The following TFDP1 variants were observed in gnomAD, a reference collection of about 807,000 sequenced individuals.
The protein encoded by TFDP1 is DRTF1-polypeptide 1.
Under a neutral mutation model 48.0 loss-of-function variants are expected in TFDP1, and 6 were observed. The ratio of observed to expected loss-of-function variants is 0.13; its 90% CI spans 0.07 to 0.25. The LOEUF (loss-of-function observed/expected upper bound fraction) is 0.25. Ranked by LOEUF, TFDP1 falls within the 10% of genes least tolerant of loss-of-function variation. The pLI is 1.00. For synonymous variants in TFDP1, 201 were observed against 211.6 expected (o/e 0.95, Z 0.44); for missense variants, 335 against 543.0 (o/e 0.62, Z 3.81).
chr13:113,586,766 G>C (rs563939481), intron 2 of TFDP1, among the ~76,000 whole-genome samples: 1 of 152,330 alleles, frequency 6.6e-6, no homozygotes, highest in African/African-American at 2.4e-5. Context: ...CTGCGACCAG[G>C]CATGTCACAC....
chr13:113,601,128 AG>A (rs2048414819), intron 2 of TFDP1, among the ~76,000 whole-genome samples: 1 of 152,038 alleles, frequency 6.6e-6, no homozygotes, highest in Admixed American at 6.5e-5. Context: ...CTCTTGCCTG[AG>A]GTGGGGAGGT....
chr13:113,632,872 C>T (rs2049374890), intron 5 of TFDP1, among the ~76,000 whole-genome samples: 2 of 152,244 alleles, frequency 1.3e-5, no homozygotes, highest in Non-Finnish European at 2.9e-5. Flanking sequence ...CTCCCGTTTT[C>T]CCTGACGCTT....
At chr13:113,628,355 G>A (rs1389235405) in intron 4 of TFDP1, among the ~76,000 whole-genome samples, 2 of 152,268 alleles carry the variant, frequency 1.3e-5, no homozygotes, top group Admixed American at 6.5e-5. Context: ...TCTCTGAAGC[G>A]CAGCTTGGAT....
intron 3 of TFDP1, among the ~76,000 whole-genome samples, chr13:113,613,530 AGT>A (rs538020296): frequency 4.7e-5 from 7 of 148,680 alleles, no homozygotes; most frequent in East Asian, 3.9e-4. Context: ...TGTGTGCATG[AGT>A]GTGTGTGAGG....
chr13:113,609,757 G>A (rs768540124), intron 2 of TFDP1, among the ~76,000 whole-genome samples: 12 of 152,098 alleles, frequency 7.9e-5, no homozygotes, highest in African/African-American at 1.4e-4. Context: ...GGGTGCATTC[G>A]GGTGCCTTTA....
In TFDP1 at chr13:113,597,012, C is replaced by G. The variant is rs560772821; in HGVS notation, c.12+11163C>G. Reference sequence around the variant, plus strand: ...CCCCGCACCTGAGTCTGCTGCGGCTCTGGTGCCTGCCCGGCGCCATTGTCA... The same window carrying G: ...CCCCGCACCTGAGTCTGCTGCGGCTGTGGTGCCTGCCCGGCGCCATTGTCA... On this transcript the variant is annotated intron_variant, in intron 2 of 11. Transcript: ENST00000375370. 1.5e-3 allele frequency among the ~76,000 whole-genome samples: 228 copies of G among 152,304 alleles called. 1 individual carries two copies. Among genetic ancestry groups the G allele is most frequent in the African/African-American group, 5.3e-3 (219 of 41,560 alleles).
chr13:113,632,024 G>A (rs2049350496), intron 5 of TFDP1: 12 of 427,980 alleles, frequency 2.8e-5, no homozygotes, highest in South Asian at 2.5e-4. Flanking sequence ...TGGCCAAGAC[G>A]GGGAGAAGCT....
chr13:113,625,675 G>A (rs1272571997), intron 4 of TFDP1, among the ~76,000 whole-genome samples: 13 of 121,338 alleles, frequency 1.1e-4, no homozygotes, highest in South Asian at 5.5e-4. Context: ...GTCCTCAGGC[G>A]TCTCTCACGT....
chr13:113,594,798 T>C (rs745838341), intron 2 of TFDP1, among the ~76,000 whole-genome samples: 2 of 152,242 alleles, frequency 1.3e-5, no homozygotes, highest in African/African-American at 4.8e-5. Context: ...GAAAATAATA[T>C]GACTTACTAA....
chr13:113,634,358 G>GA (rs1000618792), intron 7 of TFDP1, 176 bp from the exon 8 acceptor site: 29 of 646,270 alleles, frequency 4.5e-5, no homozygotes, highest in Admixed American at 2.3e-4. Context: ...TTTAGAAATG[G>GA]AAAAAAAACT....
chr13:113,601,102 G>A (rs1211628287), intron 2 of TFDP1, among the ~76,000 whole-genome samples: 1 of 152,220 alleles, frequency 6.6e-6, no homozygotes, highest in Non-Finnish European at 1.5e-5. Context: ...TCCCTCCTCT[G>A]TGGTGGCACC....
intron 11 of TFDP1, among the ~76,000 whole-genome samples, 198 bp from the exon 12 acceptor site, chr13:113,639,922 A>C (rs2049598778): frequency 6.6e-6 from 1 of 152,250 alleles, no homozygotes; most frequent in African/African-American, 2.4e-5. Flanking sequence ...GGGCCAGAAG[A>C]GAACCAGACA....
rs2048345920 is a variant in TFDP1 at position 113,598,890 on chromosome 13, G to A, written c.13-12106G>A. On this transcript the variant is annotated intron_variant, in intron 2 of 11. Transcript: ENST00000375370. This position sits in a 1 kb window ranked among gnomAD's most constrained non-coding sequence, Gnocchi z 4.2. Reference sequence around the variant, plus strand: ...CTGGATGGATCTTGTTAGGTGTGTGGCTTTTCCCTTAGTTTAGAAAATGAA... The same window carrying A: ...CTGGATGGATCTTGTTAGGTGTGTGACTTTTCCCTTAGTTTAGAAAATGAA... 6.6e-6 allele frequency among the ~76,000 whole-genome samples: 1 copy of A among 152,190 alleles called. No homozygotes were observed. The highest frequency in any genetic ancestry group is 6.5e-5 in the Admixed American group (1 of 15,274).
intron 4 of TFDP1, among the ~76,000 whole-genome samples, chr13:113,628,747 C>T (rs984554288): frequency 7.9e-5 from 12 of 152,346 alleles, no homozygotes; most frequent in African/African-American, 2.9e-4. Flanking sequence ...CTATCCTTCC[C>T]GGCACTGTCC....
intron 4 of TFDP1, among the ~76,000 whole-genome samples, chr13:113,625,150 CCTCAGGTGTCT>C (rs1279288757): frequency 4.4e-4 from 55 of 124,346 alleles, no homozygotes; most frequent in African/African-American, 1.5e-3. Context: ...TCTCACGTGT[CCTCAGGTGTCT>C]CTCAGGTGTC....
rs2048628136 is a variant in TFDP1, at chr13:113,608,600, C to T, written c.13-2396C>T. 2.0e-5 allele frequency among the ~76,000 whole-genome samples: 3 copies of T among 152,224 alleles called. No homozygotes were observed. In the South Asian group the frequency reaches 6.2e-4, roughly 31 times the overall value. On this transcript the variant is annotated intron_variant, in intron 2 of 11. Coordinates refer to ENST00000375370, the MANE Select transcript of TFDP1 (RefSeq NM_007111.5). ...GGCCGAGGCCCTTGACTCCTGGCCT[C>T]ACCCACCACGCCTTAACCTCCTGGC...
chr13:113,585,345 G>T (rs1197835346), intron 1 of TFDP1: 1 of 151,926 alleles, frequency 6.6e-6, no homozygotes, highest in Non-Finnish European at 1.5e-5. Flanking sequence ...CAGAGTTACC[G>T]GTCAGCCGGG....
chr13:113,590,265 C>T (rs1216849757), intron 2 of TFDP1, among the ~76,000 whole-genome samples: 1 of 152,162 alleles, frequency 6.6e-6, no homozygotes, highest in Non-Finnish European at 1.5e-5. Context: ...TGGGGAAATC[C>T]TGAAATTGAG....
intron 3 of TFDP1, among the ~76,000 whole-genome samples, chr13:113,615,446 C>G (rs11842674): frequency 2.0e-5 from 3 of 152,194 alleles, no homozygotes; most frequent in Non-Finnish European, 4.4e-5. Flanking sequence ...ACTCTCCTCC[C>G]TGATGTGTGC....
Sources: gnomAD v4.1 joint callset for allele counts (sites outside exome capture counted in the v4.1 genomes callset) on GRCh38, gnomAD v4.1.1 for gene constraint, Gnocchi (gnomAD v3.1) non-coding constraint, MANE v1.5 for transcripts, NCBI Gene and HGNC (gene_info 2026-07-23, HGNC 2026-07-21) for gene names.